Variants in GULP1 observed in about 807,000 individuals in gnomAD.
GULP1 encodes PTB domain-containing engulfment adapter protein 1.
A neutral mutation model predicts 40.9 loss-of-function variants in GULP1; 19 were observed. The ratio of observed to expected loss-of-function variants is 0.46; its 90% CI spans 0.32 to 0.68. GULP1 has a LOEUF of 0.68. Ranked by LOEUF, GULP1 falls within the 30% of genes least tolerant of loss-of-function variation. The pLI, the probability that GULP1 is intolerant of heterozygous loss-of-function variation, is 0.03. For missense variants in GULP1, 312 were observed against 362.2 expected, an observed-to-expected ratio of 0.86 and a Z score of 1.12; for synonymous variants, 119 against 117.6, an observed-to-expected ratio of 1.01 and a Z score of -0.08.
At chr2:188,398,971 T>A (rs1000274568) in intron 2 of GULP1, among the ~76,000 whole-genome samples, 16 of 152,364 alleles carry the variant, frequency 1.1e-4, no homozygotes, top group African/African-American at 3.6e-4. Flanking sequence ...TTAAATTGCA[T>A]AGTTTATCAG....
chr2:188,542,493 G>C lies in GULP1; in HGVS notation c.399+1175G>C, dbSNP rs536165123. The stretch of plus-strand genomic sequence containing the variant: ...CTTAAGAAAAAGATCACATTGAAAA[G>C]TTACAAAAAATAGAGCAAGTTTTTA... On this transcript the variant is annotated intron_variant, in intron 7 of 11. Coordinates refer to ENST00000409830, the MANE Select transcript of GULP1 (RefSeq NM_016315.4). Among the ~76,000 whole-genome samples the C allele has an allele frequency of 1.3e-4, 20 of 152,094 alleles. 1 individual carries two copies. The South Asian group carries it at 4.1e-3, about 32-fold the overall frequency.
At chr2:188,419,273 C>T (rs1474203987) in intron 2 of GULP1, among the ~76,000 whole-genome samples, 2 of 152,138 alleles carry the variant, frequency 1.3e-5, no homozygotes, top group Non-Finnish European at 2.9e-5. Context: ...TGAGAAACCT[C>T]TGTACTTTCA....
chr2:188,493,478 A>G (rs1236493566), intron 4 of GULP1, among the ~76,000 whole-genome samples: 2 of 151,120 alleles, frequency 1.3e-5, no homozygotes, highest in Non-Finnish European at 2.9e-5. Flanking sequence ...TCTTTTTTCT[A>G]CTCCCCTTGG....
intron 2 of GULP1, among the ~76,000 whole-genome samples, chr2:188,454,660 A>AT: frequency 6.6e-6 from 1 of 152,236 alleles, no homozygotes; most frequent in Non-Finnish European, 1.5e-5. Context: ...AAGAGGACTT[A>AT]CTGGTGAAAA....
intron 2 of GULP1, among the ~76,000 whole-genome samples, chr2:188,462,110 C>T (rs2059755711): frequency 6.6e-6 from 1 of 151,936 alleles, no homozygotes; most frequent in African/African-American, 2.4e-5. Context: ...ATCCAGTGTG[C>T]TTCAGTATGT....
chr2:188,553,433 T>C lies in GULP1; in HGVS notation c.399+12115T>C, dbSNP rs554212242. ...TGTCTATTGAGATGATTATTTTTTGTCCTTCATTCCATTAATTTGAGTTAC... is the reference window on the plus strand; with the variant it reads ...TGTCTATTGAGATGATTATTTTTTGCCCTTCATTCCATTAATTTGAGTTAC... On this transcript the variant is annotated intron_variant, in intron 7 of 11. Transcript: ENST00000409830. Among the ~76,000 whole-genome samples, 15 of 152,234 alleles carry C rather than the reference T, an allele frequency of 9.9e-5. No individual in the cohort carries two copies. In the East Asian group the frequency reaches 2.3e-3, roughly 23 times the overall value.
chr2:188,528,498 G>A (rs181697507), intron 5 of GULP1, among the ~76,000 whole-genome samples: 27 of 151,136 alleles, frequency 1.8e-4, no homozygotes, highest in Admixed American at 9.2e-4. Flanking sequence ...TACTATGAAA[G>A]TATTGAAAAA....
At chr2:188,583,751 T>C (rs1345306224) in intron 9 of GULP1, among the ~76,000 whole-genome samples, 1 of 152,180 alleles carries the variant, frequency 6.6e-6, no homozygotes, top group Admixed American at 6.5e-5. Flanking sequence ...CCATTGTTGA[T>C]ATAAATACAA....
intron 1 of GULP1, among the ~76,000 whole-genome samples, chr2:188,341,282 G>A (rs1441523258): frequency 6.6e-6 from 1 of 152,138 alleles, no homozygotes; most frequent in Non-Finnish European, 1.5e-5. Context: ...AGGAGCAAAA[G>A]ACAGAGAGGA....
intron 1 of GULP1, among the ~76,000 whole-genome samples, chr2:188,301,468 TG>T (rs2036118937): frequency 6.6e-6 from 1 of 152,238 alleles, no homozygotes; most frequent in South Asian, 2.1e-4. Context: ...CCTTGTACTG[TG>T]GCATAAATTA....
intron 6 of GULP1, among the ~76,000 whole-genome samples, chr2:188,539,402 A>T (rs1689841732): frequency 1.3e-5 from 2 of 152,164 alleles, no homozygotes; most frequent in South Asian, 4.1e-4. Flanking sequence ...AAACAAAAAA[A>T]AATCAATAAG....
chr2:188,404,931 C>T (rs2052855417), intron 2 of GULP1, among the ~76,000 whole-genome samples: 1 of 152,110 alleles, frequency 6.6e-6, no homozygotes, highest in Admixed American at 6.5e-5. Context: ...TAGACACAGG[C>T]TCTAAGCCTG....
intron 4 of GULP1, among the ~76,000 whole-genome samples, chr2:188,494,459 T>G (rs1056395157): frequency 2.0e-5 from 3 of 152,008 alleles, no homozygotes; most frequent in Non-Finnish European, 4.4e-5. Context: ...GGATGCCTCC[T>G]TTGTCAAAAT....
At chr2:188,559,834 T>C (rs993975375) in intron 7 of GULP1, among the ~76,000 whole-genome samples, 12 of 152,114 alleles carry the variant, frequency 7.9e-5, no homozygotes, top group Admixed American at 2.6e-4. Flanking sequence ...ATAATTTAAA[T>C]CATCAGGGCG....
rs772506804 is a variant in GULP1, at chr2:188,541,302, TTGACAGC to T, written c.384_390del (p.Phe128LeufsTer10). 3 of 1,613,400 alleles carry T rather than the reference TTGACAGC, an allele frequency of 1.9e-6. No individual in the cohort carries two copies. The highest frequency in any genetic ancestry group is 2.5e-6 in the Non-Finnish European group (3 of 1,179,410). On this transcript the variant is annotated frameshift_variant, in exon 7 of 12. Transcript: ENST00000409830. LOFTEE classifies it high-confidence loss of function. ...TCAAATAAACATTTGTGCTATGTAT[TTGACAGC>T]GAAAAGTGTGTAAGTATCCCAGATG...
chr2:188,442,351 A>G (rs1300041976), intron 2 of GULP1, among the ~76,000 whole-genome samples: 1 of 152,218 alleles, frequency 6.6e-6, no homozygotes, highest in Non-Finnish European at 1.5e-5. Context: ...TCGTATACAA[A>G]GTCATTAACA....
chr2:188,417,671 G>A lies in GULP1; in HGVS notation c.-45+33782G>A, dbSNP rs1478413589. Among the ~76,000 whole-genome samples the A allele has an allele frequency of 2.0e-5, 3 of 152,174 alleles. No individual in the cohort carries two copies. The East Asian group carries it at 5.8e-4, about 29-fold the overall frequency. On this transcript the variant is annotated intron_variant, in intron 2 of 11. Transcript: ENST00000409830. ...GAATTTTGACTGCATGGAAACAACT[G>A]TTTAAAATGAGAATTCAAAGGATCC...
At chr2:188,319,692 G>T (rs1054582599) in intron 1 of GULP1, among the ~76,000 whole-genome samples, 6 of 152,058 alleles carry the variant, frequency 3.9e-5, no homozygotes, top group Non-Finnish European at 8.8e-5. Context: ...TGCCAAGTTT[G>T]CCTACAGTCC....
intron 1 of GULP1, among the ~76,000 whole-genome samples, chr2:188,348,732 A>G (rs1553525422): frequency 6.6e-6 from 1 of 152,192 alleles, no homozygotes; most frequent in Non-Finnish European, 1.5e-5. Context: ...CAGCTTCTCC[A>G]GTGGTAACAT....
Sources: allele counts gnomAD v4.1 joint callset (sites outside exome capture counted in the v4.1 genomes callset), GRCh38; gene constraint gnomAD v4.1.1; transcripts MANE v1.5; gene names NCBI Gene and HGNC (gene_info 2026-07-23, HGNC 2026-07-21).